Variants in SUSD5 observed in about 807,000 individuals in gnomAD.
SUSD5 encodes sushi domain containing 5.
Under a neutral mutation model 29.5 loss-of-function variants are expected in SUSD5, and 33 were observed. That is an observed-to-expected ratio of 1.12 (90% CI 0.85 to 1.49). The LOEUF (loss-of-function observed/expected upper bound fraction) is 1.49. SUSD5 is among the 40% of genes most tolerant of loss of function. SUSD5 has a pLI of 0.00. For missense variants in SUSD5, 776 were observed against 800.6 expected (o/e 0.97, Z 0.37); for synonymous variants, 308 against 325.3 (o/e 0.95, Z 0.57).
At chr3:33,163,485 A>G (rs1285547017) in intron 4 of SUSD5, among the ~76,000 whole-genome samples, 1 of 152,172 alleles carries the variant, frequency 6.6e-6, no homozygotes, top group African/African-American at 2.4e-5. Context: ...AAAGTCAACA[A>G]GATAAAAACC....
intron 3 of SUSD5, among the ~76,000 whole-genome samples, chr3:33,178,356 G>A (rs1383608736): frequency 6.6e-6 from 1 of 151,812 alleles, no homozygotes; most frequent in Non-Finnish European, 1.5e-5. Flanking sequence ...ACAAATCTTT[G>A]TATACATTGT....
At chr3:33,188,879 C>T (rs1443524204) in intron 3 of SUSD5, among the ~76,000 whole-genome samples, 5 of 152,040 alleles carry the variant, frequency 3.3e-5, no homozygotes, top group African/African-American at 1.2e-4. Context: ...TAAATTATAC[C>T]TTAATGAACT....
In SUSD5 at chr3:33,206,412, A is replaced by AGTGT. The variant is rs5847777; in HGVS notation, c.409+1392_409+1395dup. Among the ~76,000 whole-genome samples the AGTGT allele has an allele frequency of 6.3e-3, 939 of 148,660 alleles. 9 individuals are homozygous for AGTGT. Among genetic ancestry groups the AGTGT allele is most frequent in the East Asian group, 0.023 (116 of 5,036 alleles). ...TAAATAAAAATAAAAAATTTACTTG[A>AGTGT]GTGTGTGTGTGTGTGTGTGTGTGTG... is the stretch of plus-strand genomic sequence containing the variant. On this transcript the variant is annotated intron_variant, in intron 3 of 4. Transcript: ENST00000309558.
intron 1 of SUSD5, among the ~76,000 whole-genome samples, chr3:33,217,429 C>T (rs2032443774): frequency 6.6e-6 from 1 of 152,132 alleles, no homozygotes; most frequent in South Asian, 2.1e-4. Flanking sequence ...TATACTAAAA[C>T]CCACTTAACT....
chr3:33,200,298 C>T (rs2032091292), intron 3 of SUSD5, among the ~76,000 whole-genome samples: 1 of 152,184 alleles, frequency 6.6e-6, no homozygotes, highest in Admixed American at 6.5e-5. Flanking sequence ...ACATTTCTGT[C>T]ATTTGTAGCT....
At position 33,158,439 on chromosome 3, in the gene SUSD5, T is replaced by C. The variant is rs1335117255; in HGVS notation, c.599-4406A>G. 2.0e-5 allele frequency among the ~76,000 whole-genome samples: 3 copies of C among 152,084 alleles called. No individual in the cohort carries two copies. In the East Asian group the frequency reaches 5.8e-4, roughly 29 times the overall value. On this transcript the variant is annotated intron_variant, in intron 4 of 4. Coordinates refer to ENST00000309558, the MANE Select transcript of SUSD5 (RefSeq NM_015551.2). ...CATCTCTTCTCATCCCAGCCTCTCC[T>C]TGGTGCCCACATCCCTATCAATTTC...
intron 3 of SUSD5, among the ~76,000 whole-genome samples, chr3:33,191,575 C>T (rs116697443): frequency 0.015 from 2,236 of 152,124 alleles, 64 homozygotes; most frequent in African/African-American, 0.05. Context: ...AAAGTGGAAC[C>T]GATGGATGAA....
In SUSD5 at chr3:33,172,180, A is replaced by AACACACAC. The variant is rs10576154; in HGVS notation, c.598+2698_598+2705dup. 8.4e-3 allele frequency among the ~76,000 whole-genome samples: 1,241 copies of AACACACAC among 148,544 alleles called. 1 individual carries two copies. The highest frequency in any genetic ancestry group is 0.013 in the South Asian group (61 of 4,632). On this transcript the variant is annotated intron_variant, in intron 4 of 4. Transcript: ENST00000309558. The stretch of plus-strand genomic sequence containing the variant: ...TCATCTGGTGAAGATACTCTTGTAA[A>AACACACAC]ACACACACACACACACACACACACA...
At chr3:33,214,163 C>A in intron 1 of SUSD5, 58 bp from the exon 2 acceptor site, 1 of 1,502,598 alleles carries the variant, frequency 6.7e-7, no homozygotes, top group South Asian at 1.3e-5. Flanking sequence ...AAGTTAGTCT[C>A]AGCAAACATC....
intron 4 of SUSD5, among the ~76,000 whole-genome samples, chr3:33,156,095 C>T (rs1275968423): frequency 6.6e-6 from 1 of 150,934 alleles, no homozygotes; most frequent in East Asian, 1.9e-4. Flanking sequence ...GGCTAGAGTG[C>T]AATGGTGCAA....
At position 33,152,792 on chromosome 3, in the gene SUSD5, G is replaced by A; in HGVS notation, c.1840C>T (p.Gln614Ter). 6.2e-7 allele frequency: 1 copy of A among 1,613,814 alleles called. No individual in the cohort carries two copies. The part of the protein sequence containing the change: ...KSSVYKLNVG[Q>*]RQARHYHQQI... ...TGGTGGTAGTGCCGAGCCTGCCGCTGGCCAACATTCAGCTTGTACACAGAG... is the reference window on the plus strand; with the variant it reads ...TGGTGGTAGTGCCGAGCCTGCCGCTAGCCAACATTCAGCTTGTACACAGAG... The change falls in exon 5 of 5, where the codon CAG (glutamine) becomes TAG (stop). Residue 614 changes from glutamine to a stop codon, truncating the protein, a stop_gained. Transcript: ENST00000309558. LOFTEE classifies it high-confidence loss of function.
intron 4 of SUSD5, among the ~76,000 whole-genome samples, chr3:33,158,622 CTTAA>C (rs1243470717): frequency 1.3e-5 from 2 of 152,130 alleles, no homozygotes; most frequent in African/African-American, 2.4e-5. Context: ...CCAATTTGTT[CTTAA>C]TTAAAGAAAA....
intron 3 of SUSD5, among the ~76,000 whole-genome samples, chr3:33,177,624 T>A (rs1184036772): frequency 2.6e-5 from 4 of 152,156 alleles, no homozygotes; most frequent in African/African-American, 9.7e-5. Context: ...TCCTCCCACC[T>A]CGGCCTTCCA....
chr3:33,212,230 A>G (rs1252319221), intron 2 of SUSD5, among the ~76,000 whole-genome samples: 8 of 152,198 alleles, frequency 5.3e-5, no homozygotes. Flanking sequence ...ATTATTTGTC[A>G]ATTTAAAAAA....
chr3:33,158,766 T>G lies in SUSD5; in HGVS notation c.599-4733A>C, dbSNP rs149759336. Reference sequence around the variant, plus strand: ...TCAGCCAGAACCCGGCCCCCTTTCATGAGGGGTAAGGTAGGAAGCAGTAAC... The same window carrying G: ...TCAGCCAGAACCCGGCCCCCTTTCAGGAGGGGTAAGGTAGGAAGCAGTAAC... On this transcript the variant is annotated intron_variant, in intron 4 of 4. Coordinates refer to ENST00000309558, the MANE Select transcript of SUSD5 (RefSeq NM_015551.2). Among the ~76,000 whole-genome samples, 154 of 152,334 alleles carry G rather than the reference T, an allele frequency of 1.0e-3. 1 individual carries two copies. Among genetic ancestry groups the G allele is most frequent in the African/African-American group, 3.5e-3 (147 of 41,578 alleles).
At chr3:33,180,788 C>T (rs888137272) in intron 3 of SUSD5, among the ~76,000 whole-genome samples, 9 of 151,670 alleles carry the variant, frequency 5.9e-5, no homozygotes, top group Admixed American at 3.3e-4. Flanking sequence ...TGCAATGAGT[C>T]GAGGTTGTGC....
chr3:33,218,364 G>A (rs926860069), intron 1 of SUSD5, among the ~76,000 whole-genome samples: 1 of 152,252 alleles, frequency 6.6e-6, no homozygotes, highest in Non-Finnish European at 1.5e-5. Flanking sequence ...CTTAGCAGAG[G>A]AGGTTCTAGG....
intron 4 of SUSD5, among the ~76,000 whole-genome samples, chr3:33,158,205 A>G (rs572445275): frequency 1.3e-5 from 2 of 152,248 alleles, no homozygotes; most frequent in Admixed American, 6.5e-5. Context: ...CCAAAACACA[A>G]GAGGACTATA....
intron 3 of SUSD5, among the ~76,000 whole-genome samples, chr3:33,188,453 A>G (rs2031823043): frequency 1.3e-5 from 2 of 152,134 alleles, no homozygotes; most frequent in African/African-American, 4.8e-5. Context: ...ACTCCTCTAC[A>G]TCAGTGGTTC....
Sources: allele counts gnomAD v4.1 joint callset (sites outside exome capture counted in the v4.1 genomes callset), GRCh38; gene constraint gnomAD v4.1.1; transcripts MANE v1.5; gene names NCBI Gene and HGNC (gene_info 2026-07-23, HGNC 2026-07-21).